ST6GALNAC3: variants seen among roughly 807,000 people sequenced by gnomAD.
ST6GALNAC3 encodes alpha-N-acetylgalactosaminide alpha-2,6-sialyltransferase 3.
ST6GALNAC3 carries 25 observed loss-of-function variants against 32.7 expected under a neutral mutation model. The ratio of observed to expected loss-of-function variants is 0.76; its 90% CI spans 0.56 to 1.07. The LOEUF is 1.07. Among genes scored for constraint, ST6GALNAC3 ranks in the 50% least tolerant of loss-of-function variants. The pLI is 0.00. For synonymous variants in ST6GALNAC3, 129 were observed against 133.1 expected (o/e 0.97, Z 0.21); for missense variants, 355 against 382.4 (o/e 0.93, Z 0.60).
chr1:76,174,431 GTT>G (rs111990617), intron 1 of ST6GALNAC3, among the ~76,000 whole-genome samples: 1 of 141,384 alleles, frequency 7.1e-6, no homozygotes, highest in Non-Finnish European at 1.6e-5. Context: ...GTATCTCATT[GTT>G]TTTTTTTTTT....
At chr1:76,230,259 G>A (rs1175206692) in intron 1 of ST6GALNAC3, among the ~76,000 whole-genome samples, 1 of 152,162 alleles carries the variant, frequency 6.6e-6, no homozygotes, top group Admixed American at 6.5e-5. Context: ...CCTAAGAACA[G>A]TTTGAAGCAT....
At chr1:76,498,900 G>T (rs945820971) in intron 3 of ST6GALNAC3, among the ~76,000 whole-genome samples, 4 of 152,026 alleles carry the variant, frequency 2.6e-5, no homozygotes, top group Non-Finnish European at 5.9e-5. Context: ...AAATAAAAAA[G>T]AAAGATAAAT....
intron 3 of ST6GALNAC3, among the ~76,000 whole-genome samples, chr1:76,515,120 G>GCAGTGAAGCC (rs1662095971): frequency 6.6e-6 from 1 of 152,130 alleles, no homozygotes; most frequent in Admixed American, 6.5e-5. Flanking sequence ...ATAGAATTCA[G>GCAGTGAAGCC]CAGTGAAGCC....
chr1:76,329,325 C>G (rs1388693281), intron 2 of ST6GALNAC3, among the ~76,000 whole-genome samples: 1 of 152,148 alleles, frequency 6.6e-6, no homozygotes, highest in Admixed American at 6.5e-5. Context: ...ATGCATCCTG[C>G]CCCCATAACC....
Position 76,459,897 on chromosome 1 carries a change from A to T in ST6GALNAC3, c.623+47480A>T, listed in dbSNP as rs970159123. ...TTTGTTTATTCAATCATCAGTTGATAGATGTTTGATGATTTCTCTTTTGGC... is the reference window on the plus strand; with the variant it reads ...TTTGTTTATTCAATCATCAGTTGATTGATGTTTGATGATTTCTCTTTTGGC... On this transcript the variant is annotated intron_variant, in intron 3 of 4. Coordinates refer to ENST00000328299, the MANE Select transcript of ST6GALNAC3 (RefSeq NM_152996.4). Among the ~76,000 whole-genome samples the T allele has an allele frequency of 4.6e-5, 7 of 152,280 alleles. No individual in the cohort carries two copies. The East Asian group carries it at 1.4e-3, about 29-fold the overall frequency.
At position 76,364,589 on chromosome 1, in the gene ST6GALNAC3, C is replaced by T. The variant is rs147257496; in HGVS notation, c.214-47419C>T. Among the ~76,000 whole-genome samples, 635 of 151,614 alleles carry T rather than the reference C, an allele frequency of 4.2e-3. 4 individuals are homozygous for T. Among genetic ancestry groups the T allele is most frequent in the Middle Eastern group, 0.027 (8 of 294 alleles). On this transcript the variant is annotated intron_variant, in intron 2 of 4. Coordinates refer to ENST00000328299, the MANE Select transcript of ST6GALNAC3 (RefSeq NM_152996.4). Reference sequence around the variant, plus strand: ...ATAAATAAAATAAAAAATAATTCTTCAAAATTCAATATTTTCCAAACTTAT... The same window carrying T: ...ATAAATAAAATAAAAAATAATTCTTTAAAATTCAATATTTTCCAAACTTAT...
chr1:76,135,228 A>G (rs1035034731), intron 1 of ST6GALNAC3, among the ~76,000 whole-genome samples: 2 of 152,180 alleles, frequency 1.3e-5, no homozygotes, highest in African/African-American at 4.8e-5. Flanking sequence ...CAAATGTAGC[A>G]TGGCTAAGAT....
intron 1 of ST6GALNAC3, among the ~76,000 whole-genome samples, chr1:76,284,246 G>A (rs1210211705): frequency 1.3e-5 from 2 of 152,210 alleles, no homozygotes; most frequent in South Asian, 2.1e-4. Flanking sequence ...AAATCCACTA[G>A]CAAATAAAAG....
chr1:76,129,053 C>A (rs1456378921), intron 1 of ST6GALNAC3, among the ~76,000 whole-genome samples: 2 of 152,182 alleles, frequency 1.3e-5, no homozygotes, highest in Non-Finnish European at 2.9e-5. Flanking sequence ...CCTCTCTGCC[C>A]TGATCATCCA....
At chr1:76,507,173 TAATA>T (rs1233689102) in intron 3 of ST6GALNAC3, among the ~76,000 whole-genome samples, 1 of 152,082 alleles carries the variant, frequency 6.6e-6, no homozygotes, top group Non-Finnish European at 1.5e-5. Context: ...CTGGAGGAGG[TAATA>T]TGGTCAAGTA....
At chr1:76,096,965 C>T (rs2100764085) in intron 1 of ST6GALNAC3, among the ~76,000 whole-genome samples, 1 of 147,840 alleles carries the variant, frequency 6.8e-6, no homozygotes, top group South Asian at 2.1e-4. Flanking sequence ...TTTACCCAGG[C>T]TGGAGCACAG....
intron 3 of ST6GALNAC3, among the ~76,000 whole-genome samples, chr1:76,602,323 G>A (rs1471986101): frequency 1.3e-5 from 2 of 152,072 alleles, no homozygotes; most frequent in African/African-American, 4.8e-5. Flanking sequence ...GCGCGCACGT[G>A]TGTGTGTGCG....
intron 1 of ST6GALNAC3, among the ~76,000 whole-genome samples, chr1:76,164,520 C>A (rs543390132): frequency 2.4e-4 from 37 of 152,230 alleles, no homozygotes; most frequent in African/African-American, 8.2e-4. Context: ...CTTAAGCAGA[C>A]CTTTAAGGGC....
At chr1:76,118,871 G>A (rs944590974) in intron 1 of ST6GALNAC3, among the ~76,000 whole-genome samples, 4 of 152,182 alleles carry the variant, frequency 2.6e-5, no homozygotes, top group East Asian at 1.9e-4. Context: ...CGCCCAGGCC[G>A]GAGTGCAGTG....
chr1:76,387,428 T>G (rs550978707), intron 2 of ST6GALNAC3, among the ~76,000 whole-genome samples: 90 of 152,314 alleles, frequency 5.9e-4, no homozygotes, highest in African/African-American at 2.1e-3. Context: ...CTTTGTTATC[T>G]TTTGCTATAT....
intron 1 of ST6GALNAC3, among the ~76,000 whole-genome samples, chr1:76,171,822 A>C (rs1273364310): frequency 1.3e-5 from 2 of 150,060 alleles, no homozygotes; most frequent in African/African-American, 2.4e-5. Context: ...AACAACAAAA[A>C]AAAAAAAAAC....
At chr1:76,093,235 A>G (rs759231304) in intron 1 of ST6GALNAC3, among the ~76,000 whole-genome samples, 36 of 152,240 alleles carry the variant, frequency 2.4e-4, no homozygotes, top group Non-Finnish European at 4.4e-5. Flanking sequence ...AAGAATACAT[A>G]TGAAAAGAAG....
chr1:76,387,768 G>T (rs1398380595), intron 2 of ST6GALNAC3, among the ~76,000 whole-genome samples: 1 of 152,068 alleles, frequency 6.6e-6, no homozygotes, highest in Admixed American at 6.6e-5. Flanking sequence ...CTTAAAATTG[G>T]TTTTTTGATC....
chr1:76,501,964 CT>C (rs1661199971), intron 3 of ST6GALNAC3, among the ~76,000 whole-genome samples: 2 of 152,232 alleles, frequency 1.3e-5, no homozygotes, highest in South Asian at 4.1e-4. Context: ...TTCCCACGTT[CT>C]GAGACGGCTG....
Sources: allele counts gnomAD v4.1 joint callset (sites outside exome capture counted in the v4.1 genomes callset), GRCh38; gene constraint gnomAD v4.1.1; transcripts MANE v1.5; gene names NCBI Gene and HGNC (gene_info 2026-07-23, HGNC 2026-07-21).